The following ATAD3C variants were observed in gnomAD, a reference collection of about 807,000 sequenced individuals.
The protein encoded by ATAD3C is ATPase family AAA domain containing 3C.
Under a neutral mutation model 46.3 loss-of-function variants are expected in ATAD3C, and 38 were observed. The observed-to-expected ratio is 0.82, with a 90% confidence interval of 0.63 to 1.08. The LOEUF (loss-of-function observed/expected upper bound fraction) is 1.08, where lower values mean the gene tolerates loss of function less well. Among genes scored for constraint, ATAD3C ranks in the 50% least tolerant of loss-of-function variants. ATAD3C has a pLI of 0.00. For missense variants in ATAD3C, 563 were observed against 572.7 expected (o/e 0.98, Z 0.17); for synonymous variants, 220 against 236.4 (o/e 0.93, Z 0.63).
Position 1,450,663 on chromosome 1 carries a change from G to A in ATAD3C, c.-21G>A, listed in dbSNP as rs773319899. 2.5e-5 allele frequency: 40 copies of A among 1,607,112 alleles called. No individual in the cohort carries two copies. Among genetic ancestry groups the A allele is most frequent in the Middle Eastern group, 1.6e-4 (1 of 6,068 alleles). ...CCGTGTATCCTAACACCTGCCCTCC[G>A]TGTCCCTGCATCTGCAGGCCATGTC... On this transcript the variant is annotated 5_prime_UTR_variant, in exon 1 of 12. The change creates a new upstream start codon in the 5' untranslated region. Coordinates refer to ENST00000378785, the MANE Select transcript of ATAD3C (RefSeq NM_001039211.3).
Position 1,454,457 on chromosome 1 carries a change from C to T in ATAD3C, c.335C>T (p.Thr112Met), listed in dbSNP as rs781281965. ...GGGAAGCCGTCCCTAGTGAGGGAGACGTCCCGCATCACGGTGCTTGAGGCG... is the reference window on the plus strand; with the variant it reads ...GGGAAGCCGTCCCTAGTGAGGGAGATGTCCCGCATCACGGTGCTTGAGGCG... The part of the protein sequence containing the change: ...RLGKPSLVRE[T>M]SRITVLEALR... Residue 112 changes from threonine (T) to methionine (M), a missense_variant, in exon 4 of 12, where the codon ACG becomes ATG. Around this residue, in one of 3 missense-constraint regions of ATAD3C, gnomAD observed 263 missense variants for 243.1 expected, o/e 1.08. Transcript: ENST00000378785. The T allele has an allele frequency of 2.4e-5, 38 of 1,609,844 alleles. No homozygotes were observed. Among genetic ancestry groups the T allele is most frequent in the East Asian group, 4.5e-5 (2 of 44,778 alleles).
At chr1:1,458,734 T>G (rs894764158) in intron 8 of ATAD3C, among the ~76,000 whole-genome samples, 1 of 150,686 alleles carries the variant, frequency 6.6e-6, no homozygotes. Flanking sequence ...GGGTTTGTTT[T>G]TTTTTTTTGA....
rs915597377 is a variant in ATAD3C at position 1,459,060 on chromosome 1, T to A, written c.742-101T>A. ...GTCTAGATCCGTGAAAGTGTCGCCA[T>A]GTCCCTGCTCCCTGCAGGAGGGAGG... On this transcript the variant is annotated intron_variant, in intron 8 of 11. Coordinates refer to ENST00000378785, the MANE Select transcript of ATAD3C (RefSeq NM_001039211.3). This position sits in a 1 kb window ranked among gnomAD's most constrained non-coding sequence, Gnocchi z 4.9. 6.4e-7 allele frequency: 1 copy of A among 1,563,704 alleles called. No homozygotes were observed. Among genetic ancestry groups the A allele is most frequent in the African/African-American group, 1.4e-5 (1 of 73,574 alleles).
chr1:1,460,519 G>T (rs755965698), intron 9 of ATAD3C, among the ~76,000 whole-genome samples: 1 of 152,054 alleles, frequency 6.6e-6, no homozygotes, highest in Non-Finnish European at 1.5e-5. Flanking sequence ...AGTACCACAC[G>T]GGGCAAGAAC....
At chr1:1,457,747 C>T (rs1297928476) in intron 8 of ATAD3C, among the ~76,000 whole-genome samples, 3 of 151,338 alleles carry the variant, frequency 2.0e-5, no homozygotes, top group Admixed American at 2.0e-4. Context: ...GGCGTGATCT[C>T]GGCTCACTGC....
In ATAD3C at chr1:1,470,001, TTG is replaced by T. The variant is rs1353630101; in HGVS notation, c.*1474_*1475del. The T allele has an allele frequency of 2.0e-5, 3 of 151,952 alleles. No homozygotes were observed. The highest frequency in any genetic ancestry group is 2.9e-5 in the Non-Finnish European group (2 of 67,976). 9.4% of individuals were successfully genotyped at this position (151,952 alleles called of 1,614,324 possible). ...TTCTCCCCACCCTTGAGAATGTACT[TTG>T]TGAGATCCATCCCCTGCCCGCAAAA... On this transcript the variant is annotated 3_prime_UTR_variant, in exon 12 of 12. Transcript: ENST00000378785.
At position 1,457,575 on chromosome 1, in the gene ATAD3C, G is replaced by A. The variant is rs145281936; in HGVS notation, c.741+395G>A. Among the ~76,000 whole-genome samples, 702 of 118,654 alleles carry A rather than the reference G, an allele frequency of 5.9e-3. 15 individuals are homozygous for A. The highest frequency in any genetic ancestry group is 0.023 in the African/African-American group (660 of 29,170). The allele number at this position is 118,654 out of a possible 152,430, so 77.8% of individuals were successfully genotyped here. ...CGTGCTGCTGCACTCCAGCCTGGGC[G>A]ACACAGCGAGACTTCATCTCAAAAA... On this transcript the variant is annotated intron_variant, in intron 8 of 11. Transcript: ENST00000378785.
rs968117642 is a variant in ATAD3C, at chr1:1,455,377, C to T, written c.379-83C>T. ...GTGATTCGGGGCAGCTCCGTTTCTG[C>T]GTGTTACCGAGCTTGTGTGTGCGTT... On this transcript the variant is annotated intron_variant, in intron 4 of 11. Transcript: ENST00000378785. 1.1e-4 allele frequency: 168 copies of T among 1,548,478 alleles called. No individual in the cohort carries two copies. The Admixed American group carries it at 2.3e-3, about 21-fold the overall frequency.
chr1:1,451,253 A>C (rs1209637844), intron 1 of ATAD3C, among the ~76,000 whole-genome samples: 1 of 151,810 alleles, frequency 6.6e-6, no homozygotes, highest in Non-Finnish European at 1.5e-5. Context: ...CGTGTCAGCC[A>C]GGATGGTGTC....
intron 1 of ATAD3C, among the ~76,000 whole-genome samples, chr1:1,451,191 C>T (rs1468968842): frequency 6.6e-6 from 1 of 151,622 alleles, no homozygotes; most frequent in Non-Finnish European, 1.5e-5. Flanking sequence ...CAGGCACCTG[C>T]CACCACGCCC....
In ATAD3C at chr1:1,453,271, C is replaced by T. The variant is rs1026246144; in HGVS notation, c.222+837C>T. ...AGGCTGGAGTGCGGTGGCGCCACCTCGGCTCACTGCAACCTGCGCCTCCCG... is the reference window on the plus strand; with the variant it reads ...AGGCTGGAGTGCGGTGGCGCCACCTTGGCTCACTGCAACCTGCGCCTCCCG... On this transcript the variant is annotated intron_variant, in intron 3 of 11. Coordinates refer to ENST00000378785, the MANE Select transcript of ATAD3C (RefSeq NM_001039211.3). Among the ~76,000 whole-genome samples the T allele has an allele frequency of 4.1e-4, 62 of 152,204 alleles. 2 individuals carry two copies. Among genetic ancestry groups the T allele is most frequent in the Admixed American group, 2.2e-3 (33 of 15,266 alleles).
At chr1:1,467,113 G>A (rs1032706929) in intron 11 of ATAD3C, among the ~76,000 whole-genome samples, 2 of 152,022 alleles carry the variant, frequency 1.3e-5, no homozygotes, top group South Asian at 2.1e-4. Flanking sequence ...ACCCACCCGC[G>A]ACCAGGTTTT....
Position 1,462,423 on chromosome 1 carries a change from C to A in ATAD3C, c.981-177C>A. 1 of 636,682 alleles carries A rather than the reference C, an allele frequency of 1.6e-6. No homozygotes were observed. 39.4% of individuals were successfully genotyped at this position (636,682 alleles called of 1,614,324 possible). The stretch of plus-strand genomic sequence containing the variant: ...AGGCCCCACAGCCGCCCCCTTCCTG[C>A]TCAGCCCAGGCCTGGCTTGCGTCAG... On this transcript the variant is annotated intron_variant, in intron 10 of 11. Transcript: ENST00000378785. This position sits in a 1 kb window ranked among gnomAD's most constrained non-coding sequence, Gnocchi z 4.5.
At position 1,462,438 on chromosome 1, in the gene ATAD3C, G is replaced by A. The variant is rs1271880025; in HGVS notation, c.981-162G>A. On this transcript the variant is annotated intron_variant, in intron 10 of 11. Coordinates refer to ENST00000378785, the MANE Select transcript of ATAD3C (RefSeq NM_001039211.3). The surrounding 1 kb of genome is among the most constrained non-coding windows in gnomAD (Gnocchi z 4.5). ...CCCCTTCCTGCTCAGCCCAGGCCTG[G>A]CTTGCGTCAGGAAGGGGGCGGAACT... is the stretch of plus-strand genomic sequence containing the variant. The A allele has an allele frequency of 2.6e-5, 19 of 740,564 alleles. No individual in the cohort carries two copies. In the South Asian group the frequency reaches 3.0e-4, roughly 12 times the overall value. 45.9% of individuals were successfully genotyped at this position (740,564 alleles called of 1,614,324 possible). A position where few individuals can be genotyped will look rare whatever the true frequency, so the allele number is the denominator to read the frequency against.
rs933610727 is a variant in ATAD3C, at chr1:1,462,536, G to A, written c.981-64G>A. The A allele has an allele frequency of 1.4e-5, 20 of 1,472,272 alleles. 1 individual carries two copies. Among genetic ancestry groups the A allele is most frequent in the African/African-American group, 9.7e-5 (7 of 71,834 alleles). 91.2% of individuals were successfully genotyped at this position (1,472,272 alleles called of 1,614,324 possible). ...GTGTCCGCCTGGCTGCCTGTCTTCC[G>A]GCCTCCACCTCGTGGTGTGGGAGCT... On this transcript the variant is annotated intron_variant, in intron 10 of 11. Transcript: ENST00000378785. This position sits in a 1 kb window ranked among gnomAD's most constrained non-coding sequence, Gnocchi z 4.5.
chr1:1,461,041 G>A (rs558508383), intron 10 of ATAD3C, 124 bp downstream of exon 10: 16 of 1,272,690 alleles, frequency 1.3e-5, no homozygotes, highest in Middle Eastern at 2.8e-4. Context: ...CCTGCCCTGC[G>A]GTTTCGTGCA....
chr1:1,451,167 A>G (rs1215453452), intron 1 of ATAD3C, among the ~76,000 whole-genome samples: 1 of 150,916 alleles, frequency 6.6e-6, no homozygotes, highest in Admixed American at 6.6e-5. Context: ...CAGCCTCCTG[A>G]GGAGCTGGGA....
intron 4 of ATAD3C, 125 bp from the exon 5 acceptor site, chr1:1,455,335 C>A: frequency 7.1e-7 from 1 of 1,408,554 alleles, no homozygotes; most frequent in African/African-American, 1.4e-5. Flanking sequence ...GGTTCCAGCT[C>A]CAGGCCGGTC....
At chr1:1,461,428 T>C (rs777398856) in intron 10 of ATAD3C, among the ~76,000 whole-genome samples, 8 of 151,960 alleles carry the variant, frequency 5.3e-5, no homozygotes, top group Non-Finnish European at 1.2e-4. Flanking sequence ...CCTCAGGTGA[T>C]CCGCCCGCTT....
Sources: gnomAD v4.1 joint callset for allele counts (sites outside exome capture counted in the v4.1 genomes callset) on GRCh38, gnomAD v4.1.1 for gene constraint, gnomAD v4.1.1 regional missense constraint, Gnocchi (gnomAD v3.1) non-coding constraint, MANE v1.5 for transcripts, NCBI Gene and HGNC (gene_info 2026-07-23, HGNC 2026-07-21) for gene names.